The following HELQ variants were observed in gnomAD, a reference collection of about 807,000 sequenced individuals.
The protein encoded by HELQ is helicase POLQ-like.
HELQ carries 77 observed loss-of-function variants against 111.6 expected under a neutral mutation model. The observed-to-expected ratio is 0.69, with a 90% confidence interval of 0.57 to 0.83. The LOEUF is 0.83. Among genes scored for constraint, HELQ ranks in the 40% least tolerant of loss-of-function variants. The pLI, the probability that HELQ is intolerant of heterozygous loss-of-function variation, is 0.00. For synonymous variants in HELQ, 438 were observed against 454.7 expected, an observed-to-expected ratio of 0.96 and a Z score of 0.47; for missense variants, 1,200 against 1,288.5, an observed-to-expected ratio of 0.93 and a Z score of 1.05.
chr4:83,443,575 T>C lies in HELQ; in HGVS notation c.1505A>G (p.Asn502Ser), dbSNP rs369858157. ...QIIGMSATLN[N>S]VEDLQKFLQA... ...AAGAAACTTTTGTAGGTCTTCAACA[T>C]TGTTTAATGTTGCACTCATACCAAT... The change falls in exon 6 of 18, where the codon AAT becomes AGT. Residue 502 changes from asparagine to serine, a missense_variant. Asn to Ser is a conservative substitution (Grantham distance 46). Around this residue, in one of 3 missense-constraint regions of HELQ, gnomAD observed 610 missense variants for 607.1 expected, o/e 1.00. Coordinates refer to ENST00000295488, the MANE Select transcript of HELQ (RefSeq NM_133636.5). 3.5e-5 allele frequency: 56 copies of C among 1,590,530 alleles called. No homozygotes were observed. The highest frequency in any genetic ancestry group is 2.9e-4 in the Admixed American group (17 of 58,852).
chr4:83,410,636 A>C (rs1739036227), intron 17 of HELQ, among the ~76,000 whole-genome samples: 1 of 152,176 alleles, frequency 6.6e-6, no homozygotes, highest in African/African-American at 2.4e-5. Context: ...TGGCAAATTA[A>C]AGATGATTGG....
At chr4:83,414,659 A>G (rs187110111) in intron 17 of HELQ, among the ~76,000 whole-genome samples, 34 of 152,324 alleles carry the variant, frequency 2.2e-4, no homozygotes, top group African/African-American at 7.9e-4. Context: ...GTTTGAACCT[A>G]TGAGCACATA....
chr4:83,433,389 G>A (rs966634142), intron 9 of HELQ, among the ~76,000 whole-genome samples: 2 of 152,022 alleles, frequency 1.3e-5, no homozygotes, highest in South Asian at 2.1e-4. Context: ...GACTATTGGC[G>A]GGGCGTGGTG....
At chr4:83,434,237 G>C (rs1396450971) in intron 9 of HELQ, among the ~76,000 whole-genome samples, 2 of 151,318 alleles carry the variant, frequency 1.3e-5, no homozygotes, top group East Asian at 2.0e-4. Context: ...CAGGTGTGGT[G>C]GTGGGCGCCT....
intron 17 of HELQ, among the ~76,000 whole-genome samples, chr4:83,408,797 A>G (rs918690290): frequency 5.3e-5 from 8 of 152,002 alleles, no homozygotes; most frequent in Non-Finnish European, 5.9e-5. Context: ...ACAAGATAAG[A>G]GGGAAATAGA....
At chr4:83,437,239 A>C (rs1036679596) in intron 8 of HELQ, 142 bp from the exon 9 acceptor site, 3 of 801,768 alleles carry the variant, frequency 3.7e-6, no homozygotes, top group Non-Finnish European at 5.8e-6. Flanking sequence ...TGTTCTTAGA[A>C]TTTTGATTCT....
At chr4:83,432,877 T>C (rs1188266372) in intron 9 of HELQ, among the ~76,000 whole-genome samples, 2 of 151,752 alleles carry the variant, frequency 1.3e-5, no homozygotes, top group East Asian at 3.9e-4. Flanking sequence ...TGAGATGCAG[T>C]CTCTACAAAA....
At chr4:83,416,005 G>C (rs974389856) in intron 17 of HELQ, among the ~76,000 whole-genome samples, 31 of 150,886 alleles carry the variant, frequency 2.1e-4, no homozygotes, top group African/African-American at 7.3e-4. Flanking sequence ...GGAGTGCAGT[G>C]GTATGATCTC....
chr4:83,416,806 T>C lies in HELQ; in HGVS notation c.3123A>G (p.Ala1041=). 1 of 1,613,846 alleles carries C rather than the reference T, an allele frequency of 6.2e-7. No individual in the cohort carries two copies. ...TTGTCCTTACGAGCACTTCAGGATTTGCATTAGCTAAGTGCATTAGACTTT... is the reference window on the plus strand; with the variant it reads ...TTGTCCTTACGAGCACTTCAGGATTCGCATTAGCTAAGTGCATTAGACTTT... ...GYKSLMHLAN[A]NPEVLVRTID... is the part of the protein sequence containing the mutation. The change falls in exon 17 of 18, where the codon GCA becomes GCG. Residue 1041 remains alanine (A), a synonymous_variant. Transcript: ENST00000295488.
intron 3 of HELQ, among the ~76,000 whole-genome samples, 179 bp from the exon 4 acceptor site, chr4:83,447,214 G>C (rs796554950): frequency 4.6e-5 from 7 of 152,276 alleles, no homozygotes; most frequent in African/African-American, 1.7e-4. Context: ...GGCTGTGGTG[G>C]CACAGGCCTG....
chr4:83,410,672 G>C (rs1227359011), intron 17 of HELQ, among the ~76,000 whole-genome samples: 1 of 152,168 alleles, frequency 6.6e-6, no homozygotes, highest in Non-Finnish European at 1.5e-5. Flanking sequence ...TTCATTGAGA[G>C]ACGGGATCTA....
In HELQ at chr4:83,407,398, A is replaced by C. The variant is rs540332290; in HGVS notation, c.*55T>G. On this transcript the variant is annotated 3_prime_UTR_variant, in exon 18 of 18. Transcript: ENST00000295488. ...CATTTATAAAGTATAAGTTATCTTTAATAACACACATGTACAATAAATAAT... is the reference window on the plus strand; with the variant it reads ...CATTTATAAAGTATAAGTTATCTTTCATAACACACATGTACAATAAATAAT... The C allele has an allele frequency of 2.7e-5, 29 of 1,088,944 alleles. No homozygotes were observed. The South Asian group carries it at 4.1e-4, about 16-fold the overall frequency. 67.5% of individuals were successfully genotyped at this position (1,088,944 alleles called of 1,614,324 possible).
intron 5 of HELQ, among the ~76,000 whole-genome samples, chr4:83,445,408 T>A (rs1322419869): frequency 2.6e-5 from 4 of 152,222 alleles, no homozygotes; most frequent in Admixed American, 2.0e-4. Context: ...AAATACTTTT[T>A]AAGATTTGAC....
chr4:83,453,953 GAGAACAAA>G lies in HELQ; in HGVS notation c.298-16_298-9del. ...CACTTCACTGTCATTAGGCTGCAAAGAGAACAAAAACGCTTATGGTCAATTCCAGTTTC... is the reference window on the plus strand; with the variant it reads ...CACTTCACTGTCATTAGGCTGCAAAGAACGCTTATGGTCAATTCCAGTTTC... On this transcript the variant is annotated splice_polypyrimidine_tract_variant and intron_variant, in intron 1 of 17. Transcript: ENST00000295488. 1 of 1,539,568 alleles carries G rather than the reference GAGAACAAA, an allele frequency of 6.5e-7. No homozygotes were observed. Among genetic ancestry groups the G allele is most frequent in the Non-Finnish European group, 8.9e-7 (1 of 1,124,412 alleles).
At position 83,421,563 on chromosome 4, in the gene HELQ, CT is replaced by C. The variant is rs1321083685; in HGVS notation, c.2948del (p.Glu983GlyfsTer14). 2.5e-6 allele frequency: 4 copies of C among 1,608,890 alleles called. No individual in the cohort carries two copies. In the South Asian group the frequency reaches 4.4e-5, roughly 18 times the overall value. ...SFSSCVLHFC[E>X]ELEEFWVYRA... Reference sequence around the variant, plus strand: ...CATATCATATATTCAATGAAATTACCTCACAGAAATGTAACACACAAGATGA... The same window carrying C: ...CATATCATATATTCAATGAAATTACCCACAGAAATGTAACACACAAGATGA... On this transcript the variant is annotated frameshift_variant and splice_region_variant, in exon 15 of 18. Transcript: ENST00000295488. LOFTEE classifies it high-confidence loss of function.
At chr4:83,431,585 T>C in intron 11 of HELQ, 79 bp downstream of exon 11, 1 of 541,332 alleles carries the variant, frequency 1.8e-6, no homozygotes, top group East Asian at 3.4e-5. Context: ...CACAGTTGCA[T>C]ATATAAAGTT....
Position 83,446,824 on chromosome 4 carries a change from T to C in HELQ, c.1392+11A>G. The C allele has an allele frequency of 6.4e-7, 1 of 1,564,750 alleles. No individual in the cohort carries two copies. The highest frequency in any genetic ancestry group is 1.1e-5 in the South Asian group (1 of 87,716). On this transcript the variant is annotated intron_variant, in intron 4 of 17. Transcript: ENST00000295488. ...TAAAAATATTGACAAATTACAAAAG[T>C]ATTAACCAACCTCGTCTACAACAAC... is the stretch of plus-strand genomic sequence containing the variant.
chr4:83,452,722 A>G (rs541489988), intron 2 of HELQ, among the ~76,000 whole-genome samples: 1 of 152,332 alleles, frequency 6.6e-6, no homozygotes. Context: ...TGTAGTCAAT[A>G]GCATCAGGTA....
intron 1 of HELQ, chr4:83,455,144 C>A: frequency 1.8e-6 from 1 of 552,754 alleles, no homozygotes; most frequent in South Asian, 2.4e-5. Context: ...GTAGGAGCTG[C>A]AGTTATCTGG....
Sources: gnomAD v4.1 joint callset for allele counts (sites outside exome capture counted in the v4.1 genomes callset) on GRCh38, gnomAD v4.1.1 for gene constraint, gnomAD v4.1.1 regional missense constraint, MANE v1.5 for transcripts, NCBI Gene and HGNC (gene_info 2026-07-23, HGNC 2026-07-21) for gene names.